The following TPST2 variants were observed in gnomAD, a reference collection of about 807,000 sequenced individuals.
TPST2 encodes the protein protein-tyrosine sulfotransferase 2.
TPST2 carries 16 observed loss-of-function variants against 27.8 expected under a neutral mutation model. The observed-to-expected ratio is 0.58, with a 90% CI of 0.39 to 0.88. The LOEUF (loss-of-function observed/expected upper bound fraction) is 0.88. TPST2 is among the 40% of genes least tolerant of loss of function. The probability of loss-of-function intolerance (pLI) is 0.00; values close to 1 mark genes in which losing one functional copy is unlikely to be tolerated. For synonymous variants in TPST2, 229 were observed against 231.7 expected (o/e 0.99, Z 0.10); for missense variants, 464 against 543.1 (o/e 0.85, Z 1.45).
At chr22:26,559,655 T>C (rs1926981820) in intron 1 of TPST2, among the ~76,000 whole-genome samples, 1 of 152,226 alleles carries the variant, frequency 6.6e-6, no homozygotes, top group Admixed American at 6.5e-5. Context: ...ACAAAGCATG[T>C]TCTTTAATGA....
chr22:26,558,526 G>A (rs1236697933), intron 1 of TPST2, among the ~76,000 whole-genome samples: 3 of 152,212 alleles, frequency 2.0e-5, no homozygotes, highest in Admixed American at 6.5e-5. Flanking sequence ...TGGGCAGGAG[G>A]AGGATGTGAT....
chr22:26,543,139 G>T (rs1483009590), intron 2 of TPST2: 1 of 152,202 alleles, frequency 6.6e-6, no homozygotes, highest in Non-Finnish European at 1.5e-5. Flanking sequence ...ATGAGAAGCA[G>T]CTGACAAACC....
chr22:26,582,140 A>C (rs940779489), intron 1 of TPST2, among the ~76,000 whole-genome samples: 52 of 152,162 alleles, frequency 3.4e-4, no homozygotes, highest in African/African-American at 1.2e-3. Context: ...CAGAATGTGC[A>C]CTTTAGCCGG....
In TPST2 at chr22:26,571,295, C is replaced by T. The variant is rs142733351; in HGVS notation, c.-161+18758G>A. Reference sequence around the variant, plus strand: ...GCTGCCCGGATGCCCTTTCCCCAAACATCCACTTGGCTCACTCTCTCACCC... The same window carrying T: ...GCTGCCCGGATGCCCTTTCCCCAAATATCCACTTGGCTCACTCTCTCACCC... On this transcript the variant is annotated intron_variant, in intron 1 of 6. Transcript: ENST00000338754. Among the ~76,000 whole-genome samples the T allele has an allele frequency of 1.0e-3, 155 of 152,326 alleles. 1 individual carries two copies. The highest frequency in any genetic ancestry group is 3.5e-3 in the African/African-American group (145 of 41,568).
chr22:26,529,010 A>AC (rs201836495), intron 5 of TPST2, among the ~76,000 whole-genome samples: 2,652 of 151,880 alleles, frequency 0.017, 49 homozygotes, highest in East Asian at 0.084. Flanking sequence ...ACAAAAAAAA[A>AC]ACAAAACGTA....
At chr22:26,577,564 T>C (rs1927902271) in intron 1 of TPST2, among the ~76,000 whole-genome samples, 2 of 151,662 alleles carry the variant, frequency 1.3e-5, no homozygotes, top group South Asian at 2.1e-4. Flanking sequence ...TTAGCCAGGA[T>C]GGTCTCGAAC....
intron 1 of TPST2, among the ~76,000 whole-genome samples, chr22:26,589,002 G>C (rs1928447812): frequency 6.6e-6 from 1 of 152,180 alleles, no homozygotes; most frequent in Admixed American, 6.5e-5. Flanking sequence ...GAGAATGCCA[G>C]GGAAGGCTTC....
intron 3 of TPST2, among the ~76,000 whole-genome samples, chr22:26,538,994 T>C (rs1312765009): frequency 2.0e-5 from 3 of 152,182 alleles, no homozygotes; most frequent in African/African-American, 7.2e-5. Flanking sequence ...ATCTGGGTGG[T>C]GAGATCATGG....
chr22:26,553,921 T>G (rs978101780), intron 1 of TPST2, among the ~76,000 whole-genome samples: 5 of 152,174 alleles, frequency 3.3e-5, no homozygotes, highest in Non-Finnish European at 5.9e-5. Context: ...TCAGTACAGA[T>G]GCAACCACCC....
At chr22:26,583,436 CA>C (rs775047318) in intron 1 of TPST2, among the ~76,000 whole-genome samples, 2,093 of 63,602 alleles carry the variant, frequency 0.033, 15 homozygotes, top group East Asian at 0.064. Flanking sequence ...AACTCCATCT[CA>C]AAAAAAAAAA....
intron 5 of TPST2, among the ~76,000 whole-genome samples, chr22:26,530,295 T>C (rs1925081743): frequency 6.6e-6 from 1 of 152,154 alleles, no homozygotes; most frequent in African/African-American, 2.4e-5. Flanking sequence ...GTTGCAATTG[T>C]ATAGTATGAG....
At chr22:26,532,846 C>T in intron 4 of TPST2, 101 bp from the exon 5 acceptor site, 1 of 987,638 alleles carries the variant, frequency 1.0e-6, no homozygotes, top group Non-Finnish European at 1.6e-6. Flanking sequence ...CACCTCGCCA[C>T]CCACCCATCC....
intron 1 of TPST2, among the ~76,000 whole-genome samples, chr22:26,581,029 C>G (rs1928084649): frequency 1.6e-5 from 1 of 62,856 alleles, no homozygotes; most frequent in South Asian, 6.0e-4. Context: ...TACACACACA[C>G]ACACACACAC....
rs146573588 is a variant in TPST2, at chr22:26,541,731, G to A, written c.-88-13C>T. On this transcript the variant is annotated splice_polypyrimidine_tract_variant and intron_variant, in intron 2 of 6. Transcript: ENST00000338754. This position sits in a 1 kb window ranked among gnomAD's most constrained non-coding sequence, Gnocchi z 5.9. ...GCCAGGCTCACATCTGGGGAGAGAG[G>A]GGGACATGCATAGTCAGGGAGGTCT... The A allele has an allele frequency of 6.9e-6, 10 of 1,453,372 alleles. No homozygotes were observed. In the East Asian group the frequency reaches 1.8e-4, roughly 25 times the overall value. The allele number at this position is 1,453,372 out of a possible 1,614,324, so 90.0% of individuals were successfully genotyped here.
intron 1 of TPST2, among the ~76,000 whole-genome samples, chr22:26,574,760 C>T (rs896753545): frequency 6.6e-6 from 1 of 152,292 alleles, no homozygotes; most frequent in South Asian, 2.1e-4. Context: ...CCTCACCACC[C>T]AGAATGTAGG....
chr22:26,571,046 C>T (rs546557607), intron 1 of TPST2, among the ~76,000 whole-genome samples: 3 of 152,318 alleles, frequency 2.0e-5, no homozygotes, highest in East Asian at 1.9e-4. Context: ...CTTAGGAAAA[C>T]GGAAGTCAGG....
Position 26,541,122 on chromosome 22 carries a change from G to A in TPST2, c.509C>T (p.Ser170Leu), listed in dbSNP as rs371365617. ...PFTLKSSVYL[S>L]RLFPNSKFLL... ...GAACTTGGAGTTGGGGAACAGGCGC[G>A]ACAGGTAGACCGAGGACTTGAGCGT... is the stretch of plus-strand genomic sequence containing the variant. Residue 170 changes from serine (S) to leucine (L), a missense_variant, in exon 3 of 7, where the codon TCG becomes TTG. Transcript: ENST00000338754. The surrounding 1 kb of genome is among the most constrained non-coding windows in gnomAD (Gnocchi z 5.9). 1.0e-5 allele frequency: 16 copies of A among 1,607,564 alleles called. No homozygotes were observed. Among genetic ancestry groups the A allele is most frequent in the East Asian group, 2.2e-5 (1 of 44,750 alleles).
chr22:26,566,396 C>T (rs1388391006), intron 1 of TPST2, among the ~76,000 whole-genome samples: 1 of 151,884 alleles, frequency 6.6e-6, no homozygotes, highest in African/African-American at 2.4e-5. Flanking sequence ...ATTAAAAATA[C>T]AAAAATCAGC....
Position 26,526,219 on chromosome 22 carries a change from C to G in TPST2, c.*56G>C, listed in dbSNP as rs1924828462. The G allele has an allele frequency of 6.6e-6, 1 of 152,212 alleles. No homozygotes were observed. The highest frequency in any genetic ancestry group is 6.5e-5 in the Admixed American group (1 of 15,284). 9.4% of individuals were successfully genotyped at this position (152,212 alleles called of 1,614,324 possible). The stretch of plus-strand genomic sequence containing the variant: ...GCTTGGATTAGAGGTCCGATTTCCA[C>G]TTAAATGCATTTTCTTCTCTTCTTG... On this transcript the variant is annotated 3_prime_UTR_variant, in exon 7 of 7. Transcript: ENST00000338754.
Sources: allele counts gnomAD v4.1 joint callset (sites outside exome capture counted in the v4.1 genomes callset), GRCh38; gene constraint gnomAD v4.1.1; non-coding constraint Gnocchi (gnomAD v3.1); transcripts MANE v1.5; gene names NCBI Gene and HGNC (gene_info 2026-07-23, HGNC 2026-07-21).